ADAM22: variants seen among roughly 807,000 people sequenced by gnomAD.
The protein encoded by ADAM22 is disintegrin and metalloproteinase domain-containing protein 22.
ADAM22 carries 65 observed loss-of-function variants against 144.6 expected under a neutral mutation model. The ratio of observed to expected loss-of-function variants is 0.45; its 90% CI spans 0.37 to 0.55. The LOEUF is 0.55. ADAM22 is among the 20% of genes least tolerant of loss of function. ADAM22 has a pLI of 0.00. For missense variants in ADAM22, 974 were observed against 1,184.9 expected, an observed-to-expected ratio of 0.82 and a Z score of 2.61; for synonymous variants, 391 against 412.6, an observed-to-expected ratio of 0.95 and a Z score of 0.63.
chr7:87,943,745 A>G (rs1199290445), intron 2 of ADAM22, among the ~76,000 whole-genome samples: 1 of 152,230 alleles, frequency 6.6e-6, no homozygotes, highest in Non-Finnish European at 1.5e-5. Context: ...GAGAAGGAAT[A>G]AAGAACGTAA....
chr7:88,149,123 C>T, intron 18 of ADAM22, 66 bp downstream of exon 18: 5 of 1,067,894 alleles, frequency 4.7e-6, no homozygotes, highest in Non-Finnish European at 7.1e-6. Context: ...GTGCACTGAC[C>T]CTCAAAGAGA....
chr7:87,972,507 C>T (rs1353625456), intron 2 of ADAM22, among the ~76,000 whole-genome samples: 5 of 151,958 alleles, frequency 3.3e-5, no homozygotes, highest in Admixed American at 6.6e-5. Context: ...GGCCATACTG[C>T]CCAAGGTAAT....
At chr7:88,043,425 C>CAGTG (rs1262764384) in intron 3 of ADAM22, among the ~76,000 whole-genome samples, 1 of 149,518 alleles carries the variant, frequency 6.7e-6, no homozygotes, top group East Asian at 2.0e-4. Flanking sequence ...GCAGAGCTTG[C>CAGTG]AGTGAGCCTA....
At chr7:88,078,745 C>T (rs1815492402) in intron 4 of ADAM22, among the ~76,000 whole-genome samples, 1 of 152,024 alleles carries the variant, frequency 6.6e-6, no homozygotes, top group African/African-American at 2.4e-5. Flanking sequence ...GAAAGGGTAT[C>T]AGTGATGGAA....
chr7:87,970,398 A>G (rs1850160139), intron 2 of ADAM22, among the ~76,000 whole-genome samples: 1 of 152,138 alleles, frequency 6.6e-6, no homozygotes, highest in Non-Finnish European at 1.5e-5. Flanking sequence ...CTTATTTTTA[A>G]TAATATTAAT....
intron 4 of ADAM22, among the ~76,000 whole-genome samples, chr7:88,107,528 A>G (rs938729425): frequency 2.1e-4 from 32 of 152,018 alleles, no homozygotes; most frequent in African/African-American, 7.7e-4. Context: ...TAACTAGGAA[A>G]GCAGATGATT....
chr7:88,166,176 T>A (rs1051572034), intron 24 of ADAM22, among the ~76,000 whole-genome samples: 1 of 152,172 alleles, frequency 6.6e-6, no homozygotes, highest in African/African-American at 2.4e-5. Context: ...TTGTCCTACT[T>A]CATTCTGAGA....
chr7:87,993,036 A>G (rs913865398), intron 3 of ADAM22, among the ~76,000 whole-genome samples: 1 of 152,112 alleles, frequency 6.6e-6, no homozygotes, highest in East Asian at 1.9e-4. Flanking sequence ...CATATAGGAG[A>G]AGAGAGGATC....
In ADAM22 at chr7:88,202,138, A is replaced by G. The variant is rs1851245512; in HGVS notation, c.*5647A>G. The G allele has an allele frequency of 6.6e-6, 1 of 152,200 alleles. No homozygotes were observed. Among genetic ancestry groups the G allele is most frequent in the Non-Finnish European group, 1.5e-5 (1 of 68,028 alleles). 9.4% of individuals were successfully genotyped at this position (152,200 alleles called of 1,614,324 possible). ...AAACCCCACTTTTCTTTTCTAATCC[A>G]GCACAAAATCAAACTCTGATTCTAC... On this transcript the variant is annotated 3_prime_UTR_variant, in exon 32 of 32. Transcript: ENST00000413139.
chr7:88,103,953 A>ATCTG (rs1466638706), intron 4 of ADAM22, among the ~76,000 whole-genome samples: 1 of 152,174 alleles, frequency 6.6e-6, no homozygotes, highest in Non-Finnish European at 1.5e-5. Flanking sequence ...ATACAATTAT[A>ATCTG]TCTGTCCCAT....
chr7:88,041,809 A>G (rs1414768011), intron 3 of ADAM22, among the ~76,000 whole-genome samples: 2 of 152,036 alleles, frequency 1.3e-5, no homozygotes, highest in African/African-American at 4.8e-5. Flanking sequence ...CTTTGAAGGA[A>G]TAGCATTCCC....
In ADAM22 at chr7:88,131,436, G is replaced by A. The variant is rs777318270; in HGVS notation, c.992+1G>A. ...AAAGTGATGCAGTTCACCTTTTTTC[G>A]TACGTAACTTCTGTAATGATGTATT... On this transcript the variant is annotated splice_donor_variant, in intron 11 of 31. Coordinates refer to ENST00000413139, the MANE Select transcript of ADAM22 (RefSeq NM_001324418.2). LOFTEE classifies it high-confidence loss of function. 5.0e-6 allele frequency: 8 copies of A among 1,613,290 alleles called. No individual in the cohort carries two copies. The highest frequency in any genetic ancestry group is 2.2e-5 in the East Asian group (1 of 44,830).
intron 6 of ADAM22, among the ~76,000 whole-genome samples, chr7:88,115,647 C>A (rs368458812): frequency 2.0e-4 from 31 of 152,178 alleles, no homozygotes; most frequent in African/African-American, 6.8e-4. Context: ...TATCTCCAGA[C>A]AAAATTACCC....
At chr7:88,095,928 C>T in intron 4 of ADAM22, among the ~76,000 whole-genome samples, 1 of 126,476 alleles carries the variant, frequency 7.9e-6, no homozygotes, top group Non-Finnish European at 1.7e-5. Context: ...CCACCCGCCC[C>T]CCACCCCCCC....
intron 22 of ADAM22, among the ~76,000 whole-genome samples, chr7:88,159,867 C>G (rs1227465365): frequency 4.6e-5 from 7 of 152,078 alleles, no homozygotes; most frequent in Admixed American, 4.6e-4. Flanking sequence ...CCTCTCTCAC[C>G]ACTCCTATTC....
chr7:87,951,059 G>C (rs1055659599), intron 2 of ADAM22, among the ~76,000 whole-genome samples: 3 of 152,078 alleles, frequency 2.0e-5, no homozygotes, highest in African/African-American at 7.2e-5. Flanking sequence ...AGATGAGTAG[G>C]TTGCAAAAAT....
intron 4 of ADAM22, among the ~76,000 whole-genome samples, chr7:88,079,167 C>A (rs1307133286): frequency 6.6e-6 from 1 of 152,162 alleles, no homozygotes; most frequent in African/African-American, 2.4e-5. Context: ...ACTCTACAAG[C>A]CAGAAGAGAG....
chr7:87,992,023 C>T (rs1008215244), intron 3 of ADAM22, among the ~76,000 whole-genome samples: 1 of 152,170 alleles, frequency 6.6e-6, no homozygotes, highest in Non-Finnish European at 1.5e-5. Flanking sequence ...CAGAGAAATG[C>T]TCTCTGTGTT....
intron 4 of ADAM22, among the ~76,000 whole-genome samples, chr7:88,103,016 G>C (rs1823364159): frequency 6.6e-6 from 1 of 152,182 alleles, no homozygotes; most frequent in Admixed American, 6.6e-5. Flanking sequence ...GCCTATTGGA[G>C]AAGTAAGACA....
Sources: allele counts gnomAD v4.1 joint callset (sites outside exome capture counted in the v4.1 genomes callset), GRCh38; gene constraint gnomAD v4.1.1; transcripts MANE v1.5; gene names NCBI Gene and HGNC (gene_info 2026-07-23, HGNC 2026-07-21).